Variants in DCC observed in about 807,000 individuals in gnomAD.
DCC encodes the protein DCC netrin 1 receptor.
Under a neutral mutation model 172.5 loss-of-function variants are expected in DCC, and 58 were observed. The ratio of observed to expected loss-of-function variants is 0.34; its 90% CI spans 0.27 to 0.42. The LOEUF is 0.42. Among genes scored for constraint, DCC ranks in the 10% least tolerant of loss-of-function variants. The pLI is 1.00. For synonymous variants in DCC, 709 were observed against 644.5 expected (o/e 1.10, Z -1.52); for missense variants, 1,740 against 1,791.0 (o/e 0.97, Z 0.51).
chr18:53,295,913 A>G (rs2057062100), intron 12 of DCC, among the ~76,000 whole-genome samples: 1 of 152,162 alleles, frequency 6.6e-6, no homozygotes, highest in African/African-American at 2.4e-5. Flanking sequence ...CCAAAAATAT[A>G]TATGGGATTT....
chr18:52,511,280 CA>C (rs5824941), intron 1 of DCC, among the ~76,000 whole-genome samples: 38,345 of 109,518 alleles, frequency 0.35, 5,221 homozygotes, highest in Middle Eastern at 0.42. Context: ...GACTCTGTCT[CA>C]AAAAAAAAAA....
intron 14 of DCC, among the ~76,000 whole-genome samples, chr18:53,322,449 T>A (rs1208967046): frequency 6.6e-6 from 1 of 152,154 alleles, no homozygotes; most frequent in African/African-American, 2.4e-5. Flanking sequence ...TTTATTTTAT[T>A]TTGAATAACT....
chr18:53,247,564 C>G (rs79735443), intron 12 of DCC, among the ~76,000 whole-genome samples: 6,297 of 132,304 alleles, frequency 0.048, 394 homozygotes, highest in African/African-American at 0.15. Flanking sequence ...GTCATGGTTG[C>G]TAATACTTTG....
chr18:52,979,225 G>T (rs947323188), intron 5 of DCC, among the ~76,000 whole-genome samples: 2 of 152,316 alleles, frequency 1.3e-5, no homozygotes, highest in South Asian at 4.1e-4. Context: ...AGGTACAGGA[G>T]ATTAGTCATT....
intron 7 of DCC, among the ~76,000 whole-genome samples, chr18:53,080,918 G>C (rs1406957812): frequency 1.3e-5 from 2 of 152,028 alleles, no homozygotes; most frequent in Non-Finnish European, 2.9e-5. Flanking sequence ...TTCTCCTACT[G>C]ATGGGATGAT....
intron 13 of DCC, among the ~76,000 whole-genome samples, chr18:53,307,891 GTGTATGTATATA>G (rs1302079828): frequency 1.0e-4 from 5 of 48,006 alleles, no homozygotes; most frequent in African/African-American, 2.2e-4. Flanking sequence ...AGCAATGTGT[GTGTATGTATATA>G]TATATATATA....
chr18:53,351,464 GTGTATATA>G (rs1271283011), intron 15 of DCC, among the ~76,000 whole-genome samples: 1,964 of 33,126 alleles, frequency 0.059, 317 homozygotes, highest in African/African-American at 0.19. Flanking sequence ...TATACACAGT[GTGTATATA>G]TATATATATA....
intron 1 of DCC, among the ~76,000 whole-genome samples, chr18:52,606,842 G>C (rs148434099): frequency 5.9e-5 from 9 of 152,092 alleles, no homozygotes; most frequent in Non-Finnish European, 1.3e-4. Flanking sequence ...CAATGGAAAT[G>C]TTTGAAAAAC....
chr18:52,793,970 T>TTTATA (rs200555353), intron 2 of DCC, among the ~76,000 whole-genome samples: 6,552 of 152,218 alleles, frequency 0.043, 219 homozygotes, highest in South Asian at 0.16. Flanking sequence ...ATTTCTCGGT[T>TTTATA]TTCTATTAAT....
chr18:52,475,699 G>A (rs1219526228), intron 1 of DCC, among the ~76,000 whole-genome samples: 1 of 152,184 alleles, frequency 6.6e-6, no homozygotes, highest in African/African-American at 2.4e-5. Context: ...GAATATAAAA[G>A]AGGAAAGAGG....
intron 1 of DCC, among the ~76,000 whole-genome samples, chr18:52,686,952 C>T (rs1599018717): frequency 3.3e-5 from 5 of 152,036 alleles, no homozygotes; most frequent in Admixed American, 2.6e-4. Flanking sequence ...GAACACAGAT[C>T]ATCTTTTCCC....
At chr18:53,522,100 T>G (rs1480705152) in intron 27 of DCC, among the ~76,000 whole-genome samples, 2 of 152,078 alleles carry the variant, frequency 1.3e-5, no homozygotes, top group African/African-American at 2.4e-5. Context: ...TTTTAAAGCT[T>G]TTAAACTTTG....
chr18:53,516,030 C>G (rs1392389080), intron 27 of DCC, among the ~76,000 whole-genome samples: 1 of 147,426 alleles, frequency 6.8e-6, no homozygotes, highest in Admixed American at 6.6e-5. Context: ...GGAGGCATCA[C>G]ACTACCTGAC....
intron 9 of DCC, among the ~76,000 whole-genome samples, chr18:53,184,002 TAAAAA>T (rs201337705): frequency 4.3e-4 from 59 of 138,480 alleles, no homozygotes; most frequent in African/African-American, 1.5e-3. Flanking sequence ...GCATCTCATT[TAAAAA>T]AAAAAAAAAA....
intron 2 of DCC, among the ~76,000 whole-genome samples, chr18:52,809,642 T>A (rs2038155708): frequency 6.6e-6 from 1 of 152,184 alleles, no homozygotes; most frequent in Non-Finnish European, 1.5e-5. Flanking sequence ...GCAGTGGGTC[T>A]GTGATGGCGG....
At position 52,876,203 on chromosome 18, in the gene DCC, C is replaced by T. The variant is rs772977643; in HGVS notation, c.413-29841C>T. ...TGTCATAAATACAAATGTCACTAATCCAAAGTTGGTGGCCACTTTTCTGTT... is the reference window on the plus strand; with the variant it reads ...TGTCATAAATACAAATGTCACTAATTCAAAGTTGGTGGCCACTTTTCTGTT... On this transcript the variant is annotated intron_variant, in intron 2 of 28. Coordinates refer to ENST00000442544, the MANE Select transcript of DCC (RefSeq NM_005215.4). 5.9e-5 allele frequency among the ~76,000 whole-genome samples: 9 copies of T among 152,222 alleles called. No individual in the cohort carries two copies. In the East Asian group the frequency reaches 1.4e-3, roughly 23 times the overall value.
intron 1 of DCC, among the ~76,000 whole-genome samples, chr18:52,374,953 T>C (rs1985283197): frequency 6.6e-6 from 1 of 152,226 alleles, no homozygotes; most frequent in African/African-American, 2.4e-5. Context: ...TTGACCTCTG[T>C]CCAATGCCAT....
chr18:52,800,967 A>G (rs187946385), intron 2 of DCC, among the ~76,000 whole-genome samples: 72 of 152,302 alleles, frequency 4.7e-4, no homozygotes, highest in African/African-American at 1.5e-3. Flanking sequence ...TAGCCTTGTT[A>G]GAGAGATAGG....
chr18:53,251,475 T>C (rs2144658918), intron 12 of DCC, among the ~76,000 whole-genome samples: 1 of 152,102 alleles, frequency 6.6e-6, no homozygotes, highest in East Asian at 1.9e-4. Context: ...AAATATGATT[T>C]GTGCATTTAT....
Sources: allele counts gnomAD v4.1 joint callset (sites outside exome capture counted in the v4.1 genomes callset), GRCh38; gene constraint gnomAD v4.1.1; transcripts MANE v1.5; gene names NCBI Gene and HGNC (gene_info 2026-07-23, HGNC 2026-07-21).